The following BDP1 variants were observed in gnomAD, a reference collection of about 807,000 sequenced individuals.
The protein encoded by BDP1 is transcription factor TFIIIB component B'' homolog.
In BDP1, 169 loss-of-function variants were observed where a neutral mutation model predicts 266.6. That is an observed-to-expected ratio of 0.63 (90% CI 0.56 to 0.72). The LOEUF (loss-of-function observed/expected upper bound fraction) is 0.72, where lower values mean the gene tolerates loss of function less well. BDP1 is among the 30% of genes least tolerant of loss of function. BDP1 has a pLI of 0.00. For synonymous variants in BDP1, 1,090 were observed against 1,022.4 expected, an observed-to-expected ratio of 1.07 and a Z score of -1.26; for missense variants, 3,015 against 3,053.8, an observed-to-expected ratio of 0.99 and a Z score of 0.30.
intron 34 of BDP1, among the ~76,000 whole-genome samples, chr5:71,551,986 T>C (rs1742813876): frequency 7.0e-6 from 1 of 142,374 alleles, no homozygotes; most frequent in African/African-American, 2.6e-5. Flanking sequence ...ACGGGGCGGC[T>C]GGCCTGGCGA....
At chr5:71,522,020 TA>T (rs1765521241) in intron 22 of BDP1, among the ~76,000 whole-genome samples, 1 of 152,114 alleles carries the variant, frequency 6.6e-6, no homozygotes, top group Non-Finnish European at 1.5e-5. Context: ...AATCATATAA[TA>T]GAATGAATAA....
intron 34 of BDP1, 134 bp from the exon 35 acceptor site, chr5:71,552,982 G>T: frequency 1.3e-6 from 1 of 758,458 alleles, no homozygotes; most frequent in Non-Finnish European, 2.1e-6. Flanking sequence ...GAGTTTTTTG[G>T]TTTTATTGGA....
intron 7 of BDP1, among the ~76,000 whole-genome samples, chr5:71,476,746 CA>C (rs1211853555): frequency 6.6e-6 from 1 of 152,070 alleles, no homozygotes; most frequent in Non-Finnish European, 1.5e-5. Flanking sequence ...CTCTGTCACC[CA>C]GGCTGGAGTG....
chr5:71,486,129 A>G (rs963864159), intron 8 of BDP1, among the ~76,000 whole-genome samples: 2 of 152,152 alleles, frequency 1.3e-5, no homozygotes, highest in Admixed American at 6.5e-5. Flanking sequence ...TCTTCCACTC[A>G]GTATGTTTTT....
At position 71,483,882 on chromosome 5, in the gene BDP1, T is replaced by C. The variant is rs1195085174; in HGVS notation, c.1055T>C (p.Ile352Thr). 1.9e-6 allele frequency: 3 copies of C among 1,610,644 alleles called. No homozygotes were observed. Among genetic ancestry groups the C allele is most frequent in the Non-Finnish European group, 2.5e-6 (3 of 1,177,530 alleles). Residue 352 changes from isoleucine to threonine, a missense_variant, in exon 8 of 39, where the codon ATA (isoleucine) becomes ACA (threonine). Physicochemically the swap from Ile to Thr is moderately conservative, Grantham distance 89 (BLOSUM62 -1). Transcript: ENST00000358731. ...KREEKTNGWRIDKAFQEKRPF... is the reference protein window; with the variant it reads ...KREEKTNGWRTDKAFQEKRPF... ...GAAGAGAAAACAAATGGATGGAGAA[T>C]AGACAAAGCATTCCGTAAGTATTAA...
chr5:71,467,671 C>T (rs966435762), intron 6 of BDP1, among the ~76,000 whole-genome samples, 184 bp downstream of exon 6: 5 of 152,104 alleles, frequency 3.3e-5, no homozygotes, highest in Non-Finnish European at 5.9e-5. Context: ...TCTTACAAAT[C>T]TTCAAAAAAA....
Position 71,548,743 on chromosome 5 carries a change from C to G in BDP1, c.6806C>G (p.Thr2269Arg). Reference protein sequence around the residue: ...QENIINPQDLTVNLVANVPQD... With the variant: ...QENIINPQDLRVNLVANVPQD... ...AATATAATCAATCCTCAAGACCTAA[C>G]AGGTATGATAATATGCTTCAGTGAC... Residue 2269 changes from threonine (T) to arginine (R), a missense_variant and splice_region_variant, in exon 33 of 39, where the codon ACA becomes AGA. Coordinates refer to ENST00000358731, the MANE Select transcript of BDP1 (RefSeq NM_018429.3). The G allele has an allele frequency of 6.3e-7, 1 of 1,591,424 alleles. No homozygotes were observed. The highest frequency in any genetic ancestry group is 8.6e-7 in the Non-Finnish European group (1 of 1,160,106).
intron 32 of BDP1, among the ~76,000 whole-genome samples, 191 bp from the exon 33 acceptor site, chr5:71,548,491 A>T (rs1742494680): frequency 6.6e-6 from 1 of 152,204 alleles, no homozygotes; most frequent in Non-Finnish European, 1.5e-5. Flanking sequence ...TGTAGTCAGG[A>T]TTCTTTGTAT....
chr5:71,478,182 G>T (rs1433531435), intron 7 of BDP1, among the ~76,000 whole-genome samples: 1 of 152,132 alleles, frequency 6.6e-6, no homozygotes, highest in African/African-American at 2.4e-5. Context: ...CCCGGGAGGT[G>T]GAGGTTGCGA....
At chr5:71,469,528 C>T (rs891091599) in intron 6 of BDP1, among the ~76,000 whole-genome samples, 2 of 152,136 alleles carry the variant, frequency 1.3e-5, no homozygotes, top group East Asian at 3.8e-4. Context: ...GAGTATGACT[C>T]ATAGCTTTCT....
At chr5:71,535,585 T>C (rs115217511) in intron 26 of BDP1, among the ~76,000 whole-genome samples, 8,618 of 152,266 alleles carry the variant, frequency 0.057, 358 homozygotes, top group Middle Eastern at 0.085. Context: ...CTCCAGGCAC[T>C]TATGGAGATG....
At chr5:71,472,376 G>A (rs889045699) in intron 7 of BDP1, among the ~76,000 whole-genome samples, 1 of 152,184 alleles carries the variant, frequency 6.6e-6, no homozygotes, top group Non-Finnish European at 1.5e-5. Context: ...AAGGAGAATC[G>A]CCTGAACCCG....
rs1763476605 is a variant in BDP1 at position 71,489,753 on chromosome 5, CTT to C, written c.1492+72_1492+73del. The C allele has an allele frequency of 3.7e-6, 5 of 1,354,674 alleles. No homozygotes were observed. The Admixed American group carries it at 6.9e-5, about 19-fold the overall frequency. The allele number at this position is 1,354,674 out of a possible 1,614,324, so 83.9% of individuals were successfully genotyped here. A position where few individuals can be genotyped will look rare whatever the true frequency, so the allele number is the denominator to read the frequency against. ...ACATGTACAGTAATATGGTATGTAA[CTT>C]AATTTTCTGTCTAGATAGCAATTAA... On this transcript the variant is annotated intron_variant, in intron 10 of 38. Coordinates refer to ENST00000358731, the MANE Select transcript of BDP1 (RefSeq NM_018429.3).
intron 35 of BDP1, among the ~76,000 whole-genome samples, chr5:71,553,550 C>G (rs1468542719): frequency 6.6e-6 from 1 of 152,098 alleles, no homozygotes; most frequent in Non-Finnish European, 1.5e-5. Flanking sequence ...TTATTCCCAG[C>G]TCTGTATTGG....
intron 38 of BDP1, among the ~76,000 whole-genome samples, chr5:71,563,392 C>T (rs1022068925): frequency 2.0e-5 from 3 of 152,188 alleles, no homozygotes; most frequent in African/African-American, 4.8e-5. Context: ...AAGCCTTGGC[C>T]TCCCAAAGTG....
At chr5:71,517,929 G>T (rs1004303435) in intron 22 of BDP1, among the ~76,000 whole-genome samples, 1 of 151,978 alleles carries the variant, frequency 6.6e-6, no homozygotes, top group Non-Finnish European at 1.5e-5. Context: ...AAAAAGAAAA[G>T]AAGTTTATAA....
intron 23 of BDP1, 66 bp downstream of exon 23, chr5:71,522,556 G>A: frequency 1.5e-6 from 2 of 1,368,650 alleles, no homozygotes; most frequent in Non-Finnish European, 2.0e-6. Context: ...TCAAGATCAT[G>A]AAGAGCATGA....
At position 71,541,549 on chromosome 5, in the gene BDP1, C is replaced by G. The variant is rs201602649; in HGVS notation, c.6118C>G (p.Gln2040Glu). 29 of 1,611,430 alleles carry G rather than the reference C, an allele frequency of 1.8e-5. No individual in the cohort carries two copies. The highest frequency in any genetic ancestry group is 2.4e-5 in the Non-Finnish European group (28 of 1,178,506). The change falls in exon 29 of 39, where the codon CAG (glutamine) becomes GAG (glutamate). Residue 2040 changes from glutamine (Q) to glutamate (E), a missense_variant. Gln to Glu is a conservative substitution (Grantham distance 29, BLOSUM62 2). Around this residue, in one of 3 missense-constraint regions of BDP1, gnomAD observed 2,383 missense variants for 2,404.9 expected, o/e 0.99. Coordinates refer to ENST00000358731, the MANE Select transcript of BDP1 (RefSeq NM_018429.3). Reference protein sequence around the residue: ...NVNHKIVHECQELSSPVITTS... With the variant: ...NVNHKIVHECEELSSPVITTS... ...AAATCACAAAATTGTTCATGAATGT[C>G]AGGAACTTTCTTCACCTGTCATTAC...
intron 28 of BDP1, among the ~76,000 whole-genome samples, chr5:71,541,213 C>T (rs1364705127): frequency 1.3e-5 from 2 of 152,032 alleles, no homozygotes; most frequent in East Asian, 3.8e-4. Context: ...GATAAAATTC[C>T]AGTCTGTAAG....
Sources: allele counts gnomAD v4.1 joint callset (sites outside exome capture counted in the v4.1 genomes callset), GRCh38; gene constraint gnomAD v4.1.1; regional missense constraint gnomAD v4.1.1; transcripts MANE v1.5; gene names NCBI Gene and HGNC (gene_info 2026-07-23, HGNC 2026-07-21).